The following MAGI1 variants were observed in gnomAD, a reference collection of about 807,000 sequenced individuals.
MAGI1 encodes membrane-associated guanylate kinase, WW and PDZ domain-containing protein 1.
In MAGI1, 58 loss-of-function variants were observed where a neutral mutation model predicts 139.9. That is an observed-to-expected ratio of 0.41 (90% CI 0.34 to 0.52). The LOEUF is 0.52. Among genes scored for constraint, MAGI1 ranks in the 20% least tolerant of loss-of-function variants. The pLI, the probability that MAGI1 is intolerant of heterozygous loss-of-function variation, is 0.12. For synonymous variants in MAGI1, 812 were observed against 737.9 expected (o/e 1.10, Z -1.63); for missense variants, 1,874 against 1,901.6 (o/e 0.99, Z 0.27).
intron 2 of MAGI1, among the ~76,000 whole-genome samples, chr3:65,551,706 A>G (rs984118453): frequency 7.9e-5 from 12 of 152,254 alleles, no homozygotes; most frequent in African/African-American, 2.4e-4. Flanking sequence ...TACACTTCAC[A>G]TAATACTAGA....
chr3:65,565,856 C>CAAA (rs766254957), intron 2 of MAGI1, among the ~76,000 whole-genome samples: 16 of 93,910 alleles, frequency 1.7e-4, no homozygotes, highest in Admixed American at 7.1e-4. Context: ...GACTCCGTGT[C>CAAA]AAAAAAAAAA....
chr3:65,776,844 A>G (rs1313283871), intron 1 of MAGI1, among the ~76,000 whole-genome samples: 11 of 152,250 alleles, frequency 7.2e-5, no homozygotes, highest in Non-Finnish European at 2.9e-5. Context: ...ACTTTTCTGC[A>G]TCTCAGCCAC....
chr3:65,371,939 C>G, intron 18 of MAGI1: 1 of 445,014 alleles, frequency 2.2e-6, no homozygotes, highest in South Asian at 1.6e-5. Context: ...CAGCTTCTTC[C>G]TCCACTGAAG....
At chr3:65,404,923 C>A (rs2107144776) in intron 12 of MAGI1, among the ~76,000 whole-genome samples, 1 of 152,284 alleles carries the variant, frequency 6.6e-6, no homozygotes, top group Non-Finnish European at 1.5e-5. Context: ...AGCAGGAAGT[C>A]TGTGTTCTAC....
At chr3:65,759,065 C>CAAAAAAAAAAAAAAAA (rs200497203) in intron 1 of MAGI1, among the ~76,000 whole-genome samples, 5 of 73,072 alleles carry the variant, frequency 6.8e-5, no homozygotes, top group African/African-American at 2.7e-4. Flanking sequence ...AGGCCCAGTG[C>CAAAAAAAAAAAAAAAA]AAAAAAAAAA....
chr3:65,699,803 A>G (rs920186141), intron 1 of MAGI1, among the ~76,000 whole-genome samples: 22 of 150,942 alleles, frequency 1.5e-4, no homozygotes, highest in African/African-American at 2.2e-4. Flanking sequence ...GGTGCAACAC[A>G]CCAGCATGGC....
intron 2 of MAGI1, among the ~76,000 whole-genome samples, chr3:65,594,700 A>C (rs2082106676): frequency 6.6e-6 from 1 of 152,242 alleles, no homozygotes; most frequent in South Asian, 2.1e-4. Context: ...GGAAAAAACA[A>C]ACATGCTGAG....
intron 1 of MAGI1, among the ~76,000 whole-genome samples, chr3:66,028,577 G>A (rs1362875925): frequency 1.3e-5 from 2 of 151,972 alleles, no homozygotes; most frequent in Non-Finnish European, 2.9e-5. Context: ...CCAGGAAGAT[G>A]AGAGGACCAC....
At chr3:65,998,771 C>A (rs1207551155) in intron 1 of MAGI1, among the ~76,000 whole-genome samples, 1 of 151,930 alleles carries the variant, frequency 6.6e-6, no homozygotes, top group Admixed American at 6.6e-5. Context: ...CCAATTTTTA[C>A]AGGGTACTAT....
chr3:65,686,524 C>A (rs1203409571), intron 1 of MAGI1, among the ~76,000 whole-genome samples: 1 of 152,252 alleles, frequency 6.6e-6, no homozygotes, highest in Middle Eastern at 3.4e-3. Context: ...ATCTCCTGAC[C>A]TCATGATACT....
intron 1 of MAGI1, among the ~76,000 whole-genome samples, chr3:65,673,074 G>A (rs934347986): frequency 2.6e-5 from 4 of 152,060 alleles, no homozygotes; most frequent in Admixed American, 6.5e-5. Context: ...GCCATCTGTC[G>A]GTGGTACACA....
intron 2 of MAGI1, among the ~76,000 whole-genome samples, chr3:65,520,492 G>T (rs1047910274): frequency 1.3e-5 from 2 of 152,046 alleles, no homozygotes; most frequent in African/African-American, 4.8e-5. Flanking sequence ...GAGTAATGGG[G>T]CCTAGTTTCT....
intron 1 of MAGI1, among the ~76,000 whole-genome samples, chr3:66,026,448 TCAGA>T (rs2068265069): frequency 6.6e-6 from 1 of 151,968 alleles, no homozygotes; most frequent in South Asian, 2.1e-4. Flanking sequence ...CAACAAGATC[TCAGA>T]CAATTTTTTT....
At chr3:65,680,226 G>C (rs1007325995) in intron 1 of MAGI1, among the ~76,000 whole-genome samples, 20 of 152,130 alleles carry the variant, frequency 1.3e-4, no homozygotes, top group Non-Finnish European at 2.1e-4. Context: ...CCTCACCTCA[G>C]CCTAGACCCA....
chr3:65,781,033 T>C (rs950841221), intron 1 of MAGI1, among the ~76,000 whole-genome samples: 1 of 152,054 alleles, frequency 6.6e-6, no homozygotes, highest in Non-Finnish European at 1.5e-5. Context: ...CCATCTCTAC[T>C]AAAAATATAA....
At position 65,417,264 on chromosome 3, in the gene MAGI1, A is replaced by G. The variant is rs1210681008; in HGVS notation, c.2167+12256T>C. Among the ~76,000 whole-genome samples the G allele has an allele frequency of 2.6e-5, 4 of 152,312 alleles. No homozygotes were observed. In the East Asian group the frequency reaches 5.8e-4, roughly 22 times the overall value. ...ATGGGATGATCTGCAGCAAACCACC[A>G]TGGCACACATTTACCTATGGAACAA... On this transcript the variant is annotated intron_variant, in intron 12 of 22. Transcript: ENST00000402939.
chr3:65,385,147 G>C (rs979083378), intron 14 of MAGI1, among the ~76,000 whole-genome samples: 2 of 152,054 alleles, frequency 1.3e-5, no homozygotes, highest in African/African-American at 4.8e-5. Context: ...CAATGGTCCA[G>C]GGCTTTAAAA....
rs772453940 is a variant in MAGI1, at chr3:65,381,862, G to A, written c.2701+15C>T. 1.4e-5 allele frequency: 23 copies of A among 1,596,874 alleles called. 1 individual carries two copies. The South Asian group carries it at 2.6e-4, about 18-fold the overall frequency. On this transcript the variant is annotated intron_variant, in intron 16 of 22. Transcript: ENST00000402939. ...GTGACAACGCACTGTCTGAAGGAAT[G>A]AATGAAATACATACCCGCAAAAACC...
At chr3:65,813,704 G>C (rs1382823380) in intron 1 of MAGI1, among the ~76,000 whole-genome samples, 1 of 152,098 alleles carries the variant, frequency 6.6e-6, no homozygotes, top group Non-Finnish European at 1.5e-5. Flanking sequence ...TGAGAAATAC[G>C]CAGAATGCTT....
Sources: gnomAD v4.1 joint callset for allele counts (sites outside exome capture counted in the v4.1 genomes callset) on GRCh38, gnomAD v4.1.1 for gene constraint, MANE v1.5 for transcripts, NCBI Gene and HGNC (gene_info 2026-07-23, HGNC 2026-07-21) for gene names.